The following GPC5 variants were observed in gnomAD, a reference collection of about 807,000 sequenced individuals.
GPC5 encodes glypican-5.
GPC5 carries 47 observed loss-of-function variants against 53.9 expected under a neutral mutation model. That is an observed-to-expected ratio of 0.87 (90% CI 0.69 to 1.11). The LOEUF (loss-of-function observed/expected upper bound fraction) is 1.11. Among genes scored for constraint, GPC5 ranks in the 50% most tolerant of loss-of-function variants. GPC5 has a pLI of 0.00. For synonymous variants in GPC5, 286 were observed against 263.3 expected, an observed-to-expected ratio of 1.09 and a Z score of -0.84; for missense variants, 748 against 713.1, an observed-to-expected ratio of 1.05 and a Z score of -0.56.
chr13:91,425,666 T>C (rs542783555), intron 1 of GPC5, among the ~76,000 whole-genome samples: 112 of 152,284 alleles, frequency 7.4e-4, no homozygotes, highest in African/African-American at 2.6e-3. Flanking sequence ...AATTACCCAG[T>C]CTTGGGTATG....
intron 7 of GPC5, among the ~76,000 whole-genome samples, chr13:92,333,262 C>G (rs1342739417): frequency 6.6e-6 from 1 of 152,122 alleles, no homozygotes; most frequent in African/African-American, 2.4e-5. Context: ...CCTCATCGTT[C>G]TGGTGTGGGG....
intron 4 of GPC5, among the ~76,000 whole-genome samples, chr13:91,754,924 G>C (rs1338350005): frequency 6.6e-6 from 1 of 151,940 alleles, no homozygotes; most frequent in Non-Finnish European, 1.5e-5. Flanking sequence ...CACTTATCTG[G>C]TCCATCTTTG....
At chr13:91,526,168 A>G (rs1886078104) in intron 2 of GPC5, among the ~76,000 whole-genome samples, 1 of 152,234 alleles carries the variant, frequency 6.6e-6, no homozygotes. Flanking sequence ...AGAAATTAGT[A>G]GGGACAGAAG....
chr13:91,829,177 A>T (rs1350685181), intron 5 of GPC5, among the ~76,000 whole-genome samples: 1 of 152,136 alleles, frequency 6.6e-6, no homozygotes, highest in Non-Finnish European at 1.5e-5. Context: ...CATTCTTGCC[A>T]AAAGGACATA....
intron 2 of GPC5, among the ~76,000 whole-genome samples, chr13:91,640,299 T>TG: frequency 6.6e-6 from 1 of 152,076 alleles, no homozygotes; most frequent in Non-Finnish European, 1.5e-5. Flanking sequence ...CAAGAAAAAT[T>TG]ACCCATTAAA....
At chr13:91,651,180 T>C (rs2034700144) in intron 2 of GPC5, among the ~76,000 whole-genome samples, 1 of 152,168 alleles carries the variant, frequency 6.6e-6, no homozygotes, top group Non-Finnish European at 1.5e-5. Flanking sequence ...CATGTGGCTT[T>C]AAAACTTCTG....
chr13:92,048,272 ATATAT>A (rs1339676593), intron 6 of GPC5, among the ~76,000 whole-genome samples: 7 of 119,264 alleles, frequency 5.9e-5, no homozygotes, highest in Admixed American at 2.8e-4. Flanking sequence ...ACGTTGTAAC[ATATAT>A]TATATGTAAT....
intron 7 of GPC5, among the ~76,000 whole-genome samples, chr13:92,282,956 T>G (rs1019454677): frequency 7.9e-5 from 12 of 152,052 alleles, no homozygotes; most frequent in African/African-American, 2.9e-4. Flanking sequence ...GCTAATTGGA[T>G]AAAAGAGTCA....
intron 6 of GPC5, among the ~76,000 whole-genome samples, chr13:92,111,159 A>T (rs1446304828): frequency 6.6e-6 from 1 of 152,188 alleles, no homozygotes; most frequent in African/African-American, 2.4e-5. Context: ...TGATATCACA[A>T]AACTAGCACT....
At chr13:92,589,562 T>G (rs757176549) in intron 7 of GPC5, among the ~76,000 whole-genome samples, 7 of 152,208 alleles carry the variant, frequency 4.6e-5, no homozygotes, top group Non-Finnish European at 8.8e-5. Context: ...AAATTGTTAG[T>G]GAGCAGAAGA....
Position 91,887,189 on chromosome 13 carries a change from G to A in GPC5, c.1281-20748G>A, listed in dbSNP as rs556748114. Among the ~76,000 whole-genome samples, 7 of 152,230 alleles carry A rather than the reference G, an allele frequency of 4.6e-5. No individual in the cohort carries two copies. The South Asian group carries it at 1.5e-3, about 32-fold the overall frequency. On this transcript the variant is annotated intron_variant, in intron 5 of 7. Coordinates refer to ENST00000377067, the MANE Select transcript of GPC5 (RefSeq NM_004466.6). ...TGCACCTGCAGGCTCAACATCATGT[G>A]GAAACTGCCAAGGCTTGAGGCTTTC...
intron 7 of GPC5, among the ~76,000 whole-genome samples, chr13:92,423,830 C>T (rs1020424692): frequency 6.6e-6 from 1 of 152,070 alleles, no homozygotes; most frequent in Non-Finnish European, 1.5e-5. Flanking sequence ...TCACTGGCTG[C>T]TAGAAGATTG....
intron 2 of GPC5, among the ~76,000 whole-genome samples, chr13:91,500,336 A>C (rs1250870020): frequency 1.3e-5 from 2 of 152,204 alleles, no homozygotes; most frequent in African/African-American, 2.4e-5. Context: ...CTCTTTTTCC[A>C]GGTAGGAGAG....
chr13:92,385,196 A>G, intron 7 of GPC5, among the ~76,000 whole-genome samples: 1 of 151,672 alleles, frequency 6.6e-6, no homozygotes, highest in South Asian at 2.1e-4. Context: ...AAAATTCTAT[A>G]TAAATACATT....
rs571337184 is a variant in GPC5 at position 91,869,796 on chromosome 13, G to T, written c.1281-38141G>T. ...CAGGAAACTTATAATTGTAGCGGAA[G>T]GTGAGGGGAAGCAAGCACATCTTCA... is the stretch of plus-strand genomic sequence containing the variant. On this transcript the variant is annotated intron_variant, in intron 5 of 7. Coordinates refer to ENST00000377067, the MANE Select transcript of GPC5 (RefSeq NM_004466.6). Among the ~76,000 whole-genome samples the T allele has an allele frequency of 1.2e-4, 19 of 152,298 alleles. No homozygotes were observed. The East Asian group carries it at 3.7e-3, about 29-fold the overall frequency.
intron 1 of GPC5, among the ~76,000 whole-genome samples, chr13:91,410,421 C>T (rs1877645172): frequency 6.9e-6 from 1 of 145,188 alleles, no homozygotes; most frequent in Middle Eastern, 4.0e-3. Context: ...TCTTGGCTCA[C>T]TGCAAGCTCC....
chr13:92,651,199 C>A (rs1043053711), intron 7 of GPC5, among the ~76,000 whole-genome samples: 8 of 150,832 alleles, frequency 5.3e-5, no homozygotes, highest in Admixed American at 5.3e-4. Context: ...CCTATTAGTT[C>A]TATCCGTCTA....
intron 6 of GPC5, among the ~76,000 whole-genome samples, chr13:91,909,606 A>T (rs2139000272): frequency 6.6e-6 from 1 of 152,320 alleles, no homozygotes; most frequent in African/African-American, 2.4e-5. Flanking sequence ...TATACATATT[A>T]ACTGGGCATT....
chr13:91,485,046 G>A (rs545211191), intron 2 of GPC5, among the ~76,000 whole-genome samples: 206 of 152,244 alleles, frequency 1.4e-3, no homozygotes, highest in Non-Finnish European at 1.5e-3. Context: ...AGAACCCCAG[G>A]CCCAGGCCAT....
Sources: allele counts gnomAD v4.1 joint callset (sites outside exome capture counted in the v4.1 genomes callset), GRCh38; gene constraint gnomAD v4.1.1; transcripts MANE v1.5; gene names NCBI Gene and HGNC (gene_info 2026-07-23, HGNC 2026-07-21).